Variants in TPM4 observed in about 807,000 individuals in gnomAD.
TPM4 encodes the protein tropomyosin alpha-4 chain.
TPM4 carries 17 observed loss-of-function variants against 35.8 expected under a neutral mutation model. The ratio of observed to expected loss-of-function variants is 0.47; its 90% CI spans 0.32 to 0.71. The LOEUF (loss-of-function observed/expected upper bound fraction) is 0.71, where lower values mean the gene tolerates loss of function less well. TPM4 is among the 30% of genes least tolerant of loss of function. TPM4 has a pLI of 0.03. For synonymous variants in TPM4, 120 were observed against 122.9 expected (o/e 0.98, Z 0.15); for missense variants, 240 against 320.9 (o/e 0.75, Z 1.93).
At chr19:16,095,272 T>C (rs752011291) in intron 7 of TPM4, 5 of 1,025,776 alleles carry the variant, frequency 4.9e-6, no homozygotes, top group Middle Eastern at 4.5e-4. Flanking sequence ...AGATGAGTTA[T>C]ACGCTCAGAA....
intron 2 of TPM4, among the ~76,000 whole-genome samples, chr19:16,085,579 AAAAG>A (rs1460019189): frequency 8.5e-5 from 13 of 152,100 alleles, no homozygotes; most frequent in Admixed American, 8.5e-4. Flanking sequence ...AAATAAAAGA[AAAAG>A]AAAGGGGGCA....
chr19:16,076,918 C>G, intron 1 of TPM4: 1 of 1,049,058 alleles, frequency 9.5e-7, no homozygotes, highest in Non-Finnish European at 1.2e-6. Flanking sequence ...GGGGGCGCCG[C>G]CTCCGGGTCG....
At chr19:16,090,410 G>T (rs2090611744) in intron 5 of TPM4, among the ~76,000 whole-genome samples, 1 of 150,958 alleles carries the variant, frequency 6.6e-6, no homozygotes, top group Non-Finnish European at 1.5e-5. Context: ...GGGCCACCGT[G>T]CCTGGCTAAT....
At chr19:16,068,750 G>A (rs1023567833) in intron 2 of TPM4, among the ~76,000 whole-genome samples, 1 of 151,980 alleles carries the variant, frequency 6.6e-6, no homozygotes, top group African/African-American at 2.4e-5. Flanking sequence ...TGTGAGAGCA[G>A]TTCTGTGTGT....
At position 16,067,550 on chromosome 19, in the gene TPM4, A is replaced by G; in HGVS notation, c.-75A>G. On this transcript the variant is annotated 5_prime_UTR_variant, in exon 2 of 3. Transcript: ENST00000589897. The surrounding 1 kb of genome is among the most constrained non-coding windows in gnomAD (Gnocchi z 4.1). Reference sequence around the variant, plus strand: ...CCCTGCCAGGCTCACTCTGCCCCACAGCCACAGCCCCTGACTGCCGCAGCC... The same window carrying G: ...CCCTGCCAGGCTCACTCTGCCCCACGGCCACAGCCCCTGACTGCCGCAGCC... 7.2e-7 allele frequency: 1 copy of G among 1,389,624 alleles called. No individual in the cohort carries two copies. Among genetic ancestry groups the G allele is most frequent in the South Asian group, 1.2e-5 (1 of 81,028 alleles). The allele number at this position is 1,389,624 out of a possible 1,614,324, so 86.1% of individuals were successfully genotyped here.
chr19:16,093,236 C>G, intron 5 of TPM4: 1 of 312,436 alleles, frequency 3.2e-6, no homozygotes, highest in East Asian at 6.6e-5. Context: ...TACTCTGTCA[C>G]CCAGGCTGGA....
chr19:16,070,300 G>A lies in TPM4; in HGVS notation c.114+2562G>A, dbSNP rs552388894. Among the ~76,000 whole-genome samples, 3 of 152,278 alleles carry A rather than the reference G, an allele frequency of 2.0e-5. No homozygotes were observed. The highest frequency in any genetic ancestry group is 2.9e-5 in the Non-Finnish European group (2 of 68,018). ...AGTTCCAAGGCCGTGGCCATGGTTT[G>A]GGGCAGAGCAGACAGGAGCAGTGGG... On this transcript the variant is annotated intron_variant, in intron 2 of 2. Transcript: ENST00000589897. This position sits in a 1 kb window ranked among gnomAD's most constrained non-coding sequence, Gnocchi z 7.4.
chr19:16,101,646 G>T lies in TPM4; in HGVS notation c.*300G>T. 3.2e-6 allele frequency: 1 copy of T among 314,528 alleles called. No individual in the cohort carries two copies. Among genetic ancestry groups the T allele is most frequent in the Non-Finnish European group, 6.0e-6 (1 of 167,428 alleles). The allele number at this position is 314,528 out of a possible 1,614,324, so 19.5% of individuals were successfully genotyped here. A position where few individuals can be genotyped will look rare whatever the true frequency, so the allele number is the denominator to read the frequency against. On this transcript the variant is annotated 3_prime_UTR_variant, in exon 8 of 8. Coordinates refer to ENST00000643579, the MANE Select transcript of TPM4 (RefSeq NM_003290.3). ...AGTAAGCATACTTTCTTAAGACGGA[G>T]GCCATTTGGTTCCTGGGAGAATAGG...
Position 16,067,577 on chromosome 19 carries a change from C to T in TPM4, c.-48C>T, listed in dbSNP as rs1363120585. On this transcript the variant is annotated 5_prime_UTR_variant, in exon 2 of 3. Transcript: ENST00000589897. This position sits in a 1 kb window ranked among gnomAD's most constrained non-coding sequence, Gnocchi z 4.1. ...CCACAGCCCCTGACTGCCGCAGCCC[C>T]CACAGAGCCCGCCGCGCACCCCACG... 6.4e-7 allele frequency: 1 copy of T among 1,567,604 alleles called. No individual in the cohort carries two copies. Among genetic ancestry groups the T allele is most frequent in the South Asian group, 1.1e-5 (1 of 88,890 alleles).
intron 2 of TPM4, among the ~76,000 whole-genome samples, chr19:16,068,955 G>T (rs1004261258): frequency 1.3e-5 from 2 of 152,198 alleles, no homozygotes; most frequent in African/African-American, 4.8e-5. Context: ...TGGAAAGTAG[G>T]TGTGAAAGAG....
chr19:16,067,856 C>T lies in TPM4; in HGVS notation c.114+118C>T, dbSNP rs1192607348. 5.3e-6 allele frequency: 5 copies of T among 941,070 alleles called. No homozygotes were observed. Among genetic ancestry groups the T allele is most frequent in the South Asian group, 1.6e-5 (1 of 62,648 alleles). The allele number at this position is 941,070 out of a possible 1,614,324, so 58.3% of individuals were successfully genotyped here. ...CCTGCGGGAGGATAGGAGGCTGATG[C>T]TTTGGCGGAGGAAGAGCGAGGGGAC... On this transcript the variant is annotated intron_variant, in intron 2 of 2. Transcript: ENST00000589897. The surrounding 1 kb of genome is among the most constrained non-coding windows in gnomAD (Gnocchi z 4.1).
chr19:16,068,695 ATG>A (rs1218273588), intron 2 of TPM4, among the ~76,000 whole-genome samples: 1 of 151,698 alleles, frequency 6.6e-6, no homozygotes, highest in Non-Finnish European at 1.5e-5. Flanking sequence ...GTGTATCTGT[ATG>A]TGTTTAAGCA....
Position 16,081,961 on chromosome 19 carries a change from G to A in TPM4, c.181G>A (p.Glu61Lys), listed in dbSNP as rs1219863927. The change falls in exon 2 of 8, where the codon GAG becomes AAG. Residue 61 changes from glutamate to lysine, a missense_variant. Physicochemically the swap from Glu to Lys is moderately conservative, Grantham distance 56. Transcript: ENST00000643579. The part of the protein sequence containing the change: ...ALNRRIQLVE[E>K]ELDRAQERLA... ...CAACCGACGCATCCAGCTCGTTGAG[G>A]AGGAGTTGGACAGGGCTCAGGAACG... The A allele has an allele frequency of 1.2e-6, 2 of 1,609,972 alleles. No homozygotes were observed. The highest frequency in any genetic ancestry group is 3.3e-5 in the Admixed American group (2 of 59,980).
At chr19:16,069,799 AGTGT>A (rs1293033937) in intron 2 of TPM4, among the ~76,000 whole-genome samples, 1 of 150,972 alleles carries the variant, frequency 6.6e-6, no homozygotes, top group Non-Finnish European at 1.5e-5. Flanking sequence ...TGTGTGAATG[AGTGT>A]GTGTTTCTGT....
chr19:16,089,730 A>T (rs2090602927), intron 5 of TPM4, among the ~76,000 whole-genome samples: 1 of 145,694 alleles, frequency 6.9e-6, no homozygotes, highest in Non-Finnish European at 1.5e-5. Flanking sequence ...ATTCAGTGGC[A>T]TGATCATAGT....
chr19:16,068,844 T>C (rs925283099), intron 2 of TPM4, among the ~76,000 whole-genome samples: 2 of 152,218 alleles, frequency 1.3e-5, no homozygotes, highest in African/African-American at 4.8e-5. Flanking sequence ...TATCTGTACA[T>C]GCACATATGT....
chr19:16,089,465 G>A (rs1049995820), intron 5 of TPM4, among the ~76,000 whole-genome samples: 5 of 152,078 alleles, frequency 3.3e-5, no homozygotes, highest in Non-Finnish European at 7.4e-5. Context: ...CCATCTCAAA[G>A]GTATAGCAAT....
intron 2 of TPM4, chr19:16,068,033 G>C (rs2090315680): frequency 4.4e-6 from 2 of 455,634 alleles, no homozygotes; most frequent in African/African-American, 2.0e-5. Context: ...TGTCGTTTGC[G>C]CTGGGAGGTT....
At chr19:16,090,774 T>A (rs959427084) in intron 5 of TPM4, among the ~76,000 whole-genome samples, 2 of 151,960 alleles carry the variant, frequency 1.3e-5, no homozygotes, top group African/African-American at 4.8e-5. Context: ...CAGAGTTGTG[T>A]CCCTAGTACT....
Sources: gnomAD v4.1 joint callset for allele counts (sites outside exome capture counted in the v4.1 genomes callset) on GRCh38, gnomAD v4.1.1 for gene constraint, Gnocchi (gnomAD v3.1) non-coding constraint, MANE v1.5 for transcripts, NCBI Gene and HGNC (gene_info 2026-07-23, HGNC 2026-07-21) for gene names.